The following ACAT2 variants were observed in gnomAD, a reference collection of about 807,000 sequenced individuals.
The protein encoded by ACAT2 is acetyl-CoA acetyltransferase, cytosolic.
ACAT2 carries 26 observed loss-of-function variants against 37.1 expected under a neutral mutation model. The observed-to-expected ratio is 0.70, with a 90% CI of 0.51 to 0.97. The LOEUF is 0.97. Among genes scored for constraint, ACAT2 ranks in the 50% least tolerant of loss-of-function variants. The pLI is 0.00. For synonymous variants in ACAT2, 156 were observed against 163.6 expected, an observed-to-expected ratio of 0.95 and a Z score of 0.35; for missense variants, 468 against 489.0, an observed-to-expected ratio of 0.96 and a Z score of 0.40.
intron 4 of ACAT2, 41 bp from the exon 5 acceptor site, chr6:159,775,129 C>A (rs181382189): frequency 8.8e-5 from 142 of 1,608,100 alleles, no homozygotes; most frequent in Admixed American, 4.5e-4. Context: ...AATGCCAGTT[C>A]ATGAAAATGT....
In ACAT2 at chr6:159,767,187, G is replaced by A. The variant is rs756398732; in HGVS notation, c.372+1G>A. 1 of 1,614,048 alleles carries A rather than the reference G, an allele frequency of 6.2e-7. No individual in the cohort carries two copies. Among genetic ancestry groups the A allele is most frequent in the Non-Finnish European group, 8.5e-7 (1 of 1,179,950 alleles). On this transcript the variant is annotated splice_donor_variant, in intron 3 of 8. Coordinates refer to ENST00000367048, the MANE Select transcript of ACAT2 (RefSeq NM_005891.3). LOFTEE classifies it high-confidence loss of function. ...AGGAGGCATGGAAAATATGAGCAAG[G>A]TAAGGCCTCTCTGATGAGGTGGCTT... is the stretch of plus-strand genomic sequence containing the variant.
At chr6:159,764,725 G>C (rs891076368) in intron 2 of ACAT2, among the ~76,000 whole-genome samples, 4 of 152,062 alleles carry the variant, frequency 2.6e-5, no homozygotes, top group African/African-American at 9.7e-5. Flanking sequence ...GAGCTAGCTG[G>C]GACTACCGGT....
chr6:159,766,041 T>C (rs1780250665), intron 2 of ACAT2, among the ~76,000 whole-genome samples: 1 of 152,212 alleles, frequency 6.6e-6, no homozygotes, highest in Admixed American at 6.5e-5. Context: ...TTAACTCCAT[T>C]CTCTTCTGTG....
intron 1 of ACAT2, 184 bp downstream of exon 1, chr6:159,762,326 C>G: frequency 1.6e-6 from 2 of 1,214,174 alleles, no homozygotes; most frequent in Non-Finnish European, 1.1e-6. Context: ...GCTACAGCCC[C>G]ACCCTCTCCT....
intron 4 of ACAT2, among the ~76,000 whole-genome samples, chr6:159,769,088 A>G (rs575848986): frequency 3.3e-5 from 5 of 152,366 alleles, no homozygotes; most frequent in Admixed American, 2.0e-4. Context: ...AAGAAACAGA[A>G]TAGACATTTT....
chr6:159,762,060 C>T lies in ACAT2; in HGVS notation c.-28C>T. ...AGCTTTGCCTAGCTTGCAGGCAGCGCAGGGCAGACGGCGGCAGGAGAAGCA... is the reference window on the plus strand; with the variant it reads ...AGCTTTGCCTAGCTTGCAGGCAGCGTAGGGCAGACGGCGGCAGGAGAAGCA... On this transcript the variant is annotated 5_prime_UTR_variant, in exon 1 of 9. Transcript: ENST00000367048. 1 of 1,611,696 alleles carries T rather than the reference C, an allele frequency of 6.2e-7. No individual in the cohort carries two copies.
chr6:159,769,611 C>T (rs923740869), intron 4 of ACAT2, among the ~76,000 whole-genome samples: 2 of 152,202 alleles, frequency 1.3e-5, no homozygotes, highest in African/African-American at 4.8e-5. Context: ...TATAAAGCCA[C>T]TGTTTTATGT....
intron 4 of ACAT2, among the ~76,000 whole-genome samples, chr6:159,769,294 G>T (rs1165563409): frequency 6.6e-6 from 1 of 152,198 alleles, no homozygotes; most frequent in African/African-American, 2.4e-5. Flanking sequence ...AGAAGCTCAA[G>T]GCATCTTGAC....
At chr6:159,763,216 C>T (rs544763772) in intron 2 of ACAT2, among the ~76,000 whole-genome samples, 163 bp downstream of exon 2, 1 of 152,248 alleles carries the variant, frequency 6.6e-6, no homozygotes, top group East Asian at 1.9e-4. Flanking sequence ...CTCCTGTTGG[C>T]CCCCTTCTTC....
chr6:159,776,300 G>C lies in ACAT2; in HGVS notation c.757+28G>C, dbSNP rs763885868. 17 of 1,610,960 alleles carry C rather than the reference G, an allele frequency of 1.1e-5. No homozygotes were observed. The East Asian group carries it at 3.6e-4, about 34-fold the overall frequency. ...TAGATTTTCTGAAGGACATCTGGGG[G>C]AATACTATGTTCTATAATGTCTACC... On this transcript the variant is annotated intron_variant, in intron 6 of 8. Coordinates refer to ENST00000367048, the MANE Select transcript of ACAT2 (RefSeq NM_005891.3).
chr6:159,770,194 G>C (rs528178183), intron 4 of ACAT2, among the ~76,000 whole-genome samples: 1 of 152,226 alleles, frequency 6.6e-6, no homozygotes, highest in African/African-American at 2.4e-5. Flanking sequence ...ATTCTCTAAA[G>C]ATAATAAAAT....
chr6:159,764,271 T>TAA (rs1420424421), intron 2 of ACAT2, among the ~76,000 whole-genome samples: 1 of 152,068 alleles, frequency 6.6e-6, no homozygotes, highest in Non-Finnish European at 1.5e-5. Flanking sequence ...ACAATACAGG[T>TAA]AAGTTCCCTG....
Position 159,775,486 on chromosome 6 carries a change from C to T in ACAT2, c.634+173C>T, listed in dbSNP as rs1040703092. The T allele has an allele frequency of 6.3e-5, 45 of 710,428 alleles. 1 individual carries two copies. Among genetic ancestry groups the T allele is most frequent in the South Asian group, 2.9e-4 (14 of 47,822 alleles). 44.0% of individuals were successfully genotyped at this position (710,428 alleles called of 1,614,324 possible). On this transcript the variant is annotated intron_variant, in intron 5 of 8. Coordinates refer to ENST00000367048, the MANE Select transcript of ACAT2 (RefSeq NM_005891.3). Reference sequence around the variant, plus strand: ...GGGGGTATGCTGGGTTTACAGGACACGGTAACATGGGACCTATGTCAGCAC... The same window carrying T: ...GGGGGTATGCTGGGTTTACAGGACATGGTAACATGGGACCTATGTCAGCAC...
rs1237694292 is a variant in ACAT2, at chr6:159,766,961, C to G, written c.191-44C>G. Reference sequence around the variant, plus strand: ...ACACACTTTCACTGTGACATTTTGTCTTTCTCCTTGATTGCTAAGAGTCCT... The same window carrying G: ...ACACACTTTCACTGTGACATTTTGTGTTTCTCCTTGATTGCTAAGAGTCCT... On this transcript the variant is annotated intron_variant, in intron 2 of 8. Coordinates refer to ENST00000367048, the MANE Select transcript of ACAT2 (RefSeq NM_005891.3). The G allele has an allele frequency of 8.1e-6, 13 of 1,607,192 alleles. 1 individual carries two copies. The highest frequency in any genetic ancestry group is 1.1e-5 in the South Asian group (1 of 90,858).
At chr6:159,767,217 T>A (rs1780269720) in intron 3 of ACAT2, 31 bp downstream of exon 3, 2 of 1,609,982 alleles carry the variant, frequency 1.2e-6, no homozygotes, top group South Asian at 2.2e-5. Context: ...TGGCTTTCAC[T>A]GACCTCACAC....
chr6:159,778,199 T>C lies in ACAT2; in HGVS notation c.942T>C (p.Asp314=), dbSNP rs1392762777. The part of the protein sequence containing the change: ...AVTKAGWSLE[D]VDIFEINEAF... The stretch of plus-strand genomic sequence containing the variant: ...CAAAAGCAGGTTGGTCACTGGAAGA[T>C]GTTGACATATTTGAAATCAATGAAG... Residue 314 remains aspartate (D), a synonymous_variant, in exon 8 of 9, where the codon GAT becomes GAC. Coordinates refer to ENST00000367048, the MANE Select transcript of ACAT2 (RefSeq NM_005891.3). The C allele has an allele frequency of 1.9e-6, 3 of 1,612,622 alleles. No individual in the cohort carries two copies. Among genetic ancestry groups the C allele is most frequent in the Non-Finnish European group, 2.5e-6 (3 of 1,179,676 alleles).
intron 4 of ACAT2, among the ~76,000 whole-genome samples, chr6:159,773,919 T>C (rs1780376622): frequency 6.6e-6 from 1 of 152,236 alleles, no homozygotes; most frequent in South Asian, 2.1e-4. Flanking sequence ...GAATGAATGC[T>C]AAAACTAGTG....
intron 4 of ACAT2, among the ~76,000 whole-genome samples, chr6:159,771,997 G>A (rs928041222): frequency 4.6e-5 from 7 of 152,112 alleles, no homozygotes; most frequent in South Asian, 2.1e-4. Flanking sequence ...AGGCCGAGGC[G>A]GGCGGATCAT....
At chr6:159,762,693 C>T (rs776328379) in intron 1 of ACAT2, 2 of 1,508,926 alleles carry the variant, frequency 1.3e-6, no homozygotes, top group Non-Finnish European at 1.8e-6. Context: ...ACAGCGGCGT[C>T]CCTAGGCCGT....
Sources: allele counts gnomAD v4.1 joint callset (sites outside exome capture counted in the v4.1 genomes callset), GRCh38; gene constraint gnomAD v4.1.1; transcripts MANE v1.5; gene names NCBI Gene and HGNC (gene_info 2026-07-23, HGNC 2026-07-21).